Variants in AFF3 observed in about 807,000 individuals in gnomAD.
AFF3 encodes the protein AF4/FMR2 family member 3.
Under a neutral mutation model 129.7 loss-of-function variants are expected in AFF3, and 32 were observed. The observed-to-expected ratio is 0.25, with a 90% confidence interval of 0.19 to 0.33. The LOEUF is 0.33. Among genes scored for constraint, AFF3 ranks in the 10% least tolerant of loss-of-function variants. AFF3 has a pLI of 1.00. For missense variants in AFF3, 1,373 were observed against 1,592.0 expected (o/e 0.86, Z 2.34); for synonymous variants, 644 against 635.4 (o/e 1.01, Z -0.20).
chr2:99,791,970 T>TTA (rs1409262140), intron 8 of AFF3, among the ~76,000 whole-genome samples: 1 of 151,994 alleles, frequency 6.6e-6, no homozygotes, highest in East Asian at 1.9e-4. Context: ...TGGGCATGGG[T>TTA]TATAGTGCTG....
intron 7 of AFF3, among the ~76,000 whole-genome samples, chr2:99,875,415 T>C (rs1363448018): frequency 6.6e-6 from 1 of 152,254 alleles, no homozygotes; most frequent in East Asian, 1.9e-4. Context: ...ATTTTATTTA[T>C]CTTTCAAATA....
intron 7 of AFF3, among the ~76,000 whole-genome samples, chr2:99,868,878 G>A (rs1006445925): frequency 6.6e-6 from 1 of 152,114 alleles, no homozygotes; most frequent in African/African-American, 2.4e-5. Context: ...CTGCAGACTC[G>A]ACCTTGTGGG....
chr2:99,963,702 CACAG>C (rs1677452534), intron 7 of AFF3, among the ~76,000 whole-genome samples: 1 of 150,956 alleles, frequency 6.6e-6, no homozygotes, highest in Non-Finnish European at 1.5e-5. Context: ...TCAAATAACC[CACAG>C]ACAATTAAGA....
intron 2 of AFF3, among the ~76,000 whole-genome samples, chr2:100,109,658 C>T (rs1691446116): frequency 6.6e-6 from 1 of 152,196 alleles, no homozygotes; most frequent in South Asian, 2.1e-4. Flanking sequence ...GAGAATAGGA[C>T]ATAACTAATC....
At chr2:99,683,664 C>G (rs1324119786) in intron 11 of AFF3, among the ~76,000 whole-genome samples, 1 of 152,086 alleles carries the variant, frequency 6.6e-6, no homozygotes, top group African/African-American at 2.4e-5. Context: ...TGGTCTCAAA[C>G]CCCTGGGCTC....
At chr2:99,760,790 C>T (rs923560057) in intron 8 of AFF3, among the ~76,000 whole-genome samples, 6 of 152,170 alleles carry the variant, frequency 3.9e-5, no homozygotes, top group African/African-American at 7.2e-5. Flanking sequence ...TTATAAACTC[C>T]CCTGCCCTTT....
At chr2:99,554,586 G>C (rs755795686) in intron 23 of AFF3, 52 bp from the exon 24 acceptor site, 17 of 1,608,828 alleles carry the variant, frequency 1.1e-5, no homozygotes, top group Non-Finnish European at 1.4e-5. Flanking sequence ...GAGCAAGCGA[G>C]GCAGGGCAGC....
chr2:100,036,035 C>A (rs1684863870), intron 4 of AFF3, among the ~76,000 whole-genome samples: 1 of 149,334 alleles, frequency 6.7e-6, no homozygotes, highest in African/African-American at 2.5e-5. Context: ...CTTTAATCTA[C>A]CTCTTGGCTT....
At chr2:99,797,980 C>G (rs1191690747) in intron 8 of AFF3, among the ~76,000 whole-genome samples, 1 of 151,804 alleles carries the variant, frequency 6.6e-6, no homozygotes, top group African/African-American at 2.4e-5. Context: ...ATAAAGAGAA[C>G]TGAAAAATGG....
chr2:99,680,758 C>G (rs1674446062), intron 11 of AFF3, among the ~76,000 whole-genome samples: 1 of 152,274 alleles, frequency 6.6e-6, no homozygotes. Flanking sequence ...TCAGTTTTTG[C>G]ATTTTTATGG....
intron 8 of AFF3, among the ~76,000 whole-genome samples, chr2:99,809,863 A>G (rs1686654909): frequency 6.6e-6 from 1 of 152,196 alleles, no homozygotes; most frequent in South Asian, 2.1e-4. Context: ...TTATATTTTT[A>G]TAAGAAATAG....
chr2:99,882,590 ATC>A (rs1260045899), intron 7 of AFF3, among the ~76,000 whole-genome samples: 3 of 152,194 alleles, frequency 2.0e-5, no homozygotes, highest in African/African-American at 7.2e-5. Flanking sequence ...GAGAAGGGGC[ATC>A]TCTCTTGGAA....
chr2:100,049,998 G>A (rs1686154327), intron 4 of AFF3, among the ~76,000 whole-genome samples: 1 of 152,178 alleles, frequency 6.6e-6, no homozygotes, highest in Non-Finnish European at 1.5e-5. Flanking sequence ...CAAACCACGA[G>A]GTCAGGAGTT....
intron 24 of AFF3, among the ~76,000 whole-genome samples, chr2:99,552,963 C>T (rs531656129): frequency 1.6e-4 from 25 of 152,286 alleles, no homozygotes; most frequent in Admixed American, 1.4e-3. Context: ...GATGGAGTCT[C>T]GCTCTGTCGC....
intron 7 of AFF3, among the ~76,000 whole-genome samples, chr2:99,996,885 AAC>A (rs1680891778): frequency 6.6e-6 from 1 of 152,116 alleles, no homozygotes. Flanking sequence ...TACTAAGCCT[AAC>A]ACAGCAGAGG....
intron 13 of AFF3, among the ~76,000 whole-genome samples, chr2:99,632,054 C>T (rs1267566189): frequency 2.7e-5 from 3 of 110,750 alleles, no homozygotes; most frequent in African/African-American, 1.1e-4. Flanking sequence ...CTCGCTTTGT[C>T]ACCCAGGCTG....
At chr2:99,651,096 T>C (rs550302936) in intron 12 of AFF3, among the ~76,000 whole-genome samples, 9 of 150,672 alleles carry the variant, frequency 6.0e-5, no homozygotes, top group African/African-American at 2.2e-4. Flanking sequence ...TTGCTTGAAC[T>C]TGGGGGGCGG....
At chr2:99,705,887 A>AC (rs1212505631) in intron 11 of AFF3, among the ~76,000 whole-genome samples, 22 of 149,708 alleles carry the variant, frequency 1.5e-4, no homozygotes, top group Non-Finnish European at 3.1e-4. Context: ...AAAAAAAAAA[A>AC]AAAAAAAAAA....
intron 7 of AFF3, among the ~76,000 whole-genome samples, chr2:99,956,550 T>A (rs1178620026): frequency 3.3e-5 from 5 of 152,196 alleles, no homozygotes; most frequent in Non-Finnish European, 7.3e-5. Flanking sequence ...TGATTTTAAA[T>A]GACTAAAAAT....
Sources: gnomAD v4.1 joint callset for allele counts (sites outside exome capture counted in the v4.1 genomes callset) on GRCh38, gnomAD v4.1.1 for gene constraint, MANE v1.5 for transcripts, NCBI Gene and HGNC (gene_info 2026-07-23, HGNC 2026-07-21) for gene names.